CEP350: variants seen among roughly 807,000 people sequenced by gnomAD.
CEP350 encodes the protein centrosome-associated protein 350.
A neutral mutation model predicts 331.8 loss-of-function variants in CEP350; 126 were observed. The ratio of observed to expected loss-of-function variants is 0.38; its 90% CI spans 0.33 to 0.44. CEP350 has a LOEUF of 0.44. Ranked by LOEUF, CEP350 falls within the 20% of genes least tolerant of loss-of-function variation. The probability of loss-of-function intolerance (pLI) is 1.00; values close to 1 mark genes in which losing one functional copy is unlikely to be tolerated. For synonymous variants in CEP350, 1,200 were observed against 1,259.5 expected (o/e 0.95, Z 1.00); for missense variants, 3,406 against 3,634.6 (o/e 0.94, Z 1.62).
intron 27 of CEP350, chr1:180,073,995 C>CTT (rs970683557): frequency 1.9e-6 from 2 of 1,078,132 alleles, no homozygotes; most frequent in African/African-American, 1.7e-5. Context: ...CTCTCTCTCT[C>CTT]TTTTTTTTTA....
intron 5 of CEP350, among the ~76,000 whole-genome samples, chr1:179,994,137 A>G (rs772859409): frequency 4.6e-5 from 7 of 152,216 alleles, no homozygotes; most frequent in Non-Finnish European, 8.8e-5. Flanking sequence ...AAAGAATTGT[A>G]TAGTGAACAT....
At chr1:180,064,543 T>C (rs1558136128) in intron 26 of CEP350, among the ~76,000 whole-genome samples, 1 of 152,182 alleles carries the variant, frequency 6.6e-6, no homozygotes. Context: ...TACTAAGCAA[T>C]TAAAGTTTTA....
chr1:179,971,046 T>TG (rs1553250166), intron 1 of CEP350, among the ~76,000 whole-genome samples: 2 of 151,466 alleles, frequency 1.3e-5, no homozygotes, highest in African/African-American at 4.8e-5. Flanking sequence ...TTTTTTTTTT[T>TG]GAGACAGAGT....
At chr1:180,004,118 A>G (rs1166290004) in intron 7 of CEP350, among the ~76,000 whole-genome samples, 3 of 152,256 alleles carry the variant, frequency 2.0e-5, no homozygotes, top group Non-Finnish European at 2.9e-5. Context: ...CAAGGCTTCC[A>G]GTTCTGCCTC....
Position 180,113,753 on chromosome 1 carries a change from A to G in CEP350, c.*2592A>G, listed in dbSNP as rs1661556451. The G allele has an allele frequency of 1.3e-5, 2 of 152,352 alleles. No homozygotes were observed. The highest frequency in any genetic ancestry group is 2.1e-4 in the South Asian group (1 of 4,828). The allele number at this position is 152,352 out of a possible 1,614,324, so 9.4% of individuals were successfully genotyped here. On this transcript the variant is annotated 3_prime_UTR_variant, in exon 38 of 38. Transcript: ENST00000367607. Reference sequence around the variant, plus strand: ...AGAACCTAAATATTCCCTCTTTCTAATCTTTGTTCCTTCTCCCTACACCCT... The same window carrying G: ...AGAACCTAAATATTCCCTCTTTCTAGTCTTTGTTCCTTCTCCCTACACCCT...
intron 11 of CEP350, among the ~76,000 whole-genome samples, chr1:180,018,403 A>G (rs1655104386): frequency 6.6e-6 from 1 of 152,152 alleles, no homozygotes; most frequent in Admixed American, 6.5e-5. Context: ...TTGGCATTCT[A>G]AATACTTGAA....
At chr1:180,017,187 A>T (rs1655032290) in intron 11 of CEP350, among the ~76,000 whole-genome samples, 1 of 152,194 alleles carries the variant, frequency 6.6e-6, no homozygotes. Flanking sequence ...AACATTAATG[A>T]TAGAGATAGG....
chr1:180,104,021 ATTTT>A (rs1661001856), intron 37 of CEP350, among the ~76,000 whole-genome samples: 1 of 143,962 alleles, frequency 6.9e-6, no homozygotes, highest in South Asian at 2.1e-4. Context: ...ACAAATATAT[ATTTT>A]AAAATATATA....
rs1655225059 is a variant in CEP350, at chr1:180,020,072, G to T, written c.2298G>T (p.Glu766Asp). The change falls in exon 12 of 38, where the codon GAG becomes GAT. Residue 766 changes from glutamate to aspartate, a missense_variant. Transcript: ENST00000367607. ...GSLLSHLLSL[E>D]HVGILHKDFE... is the part of the protein sequence containing the mutation. ...TACTCTCCCATCTCTTGAGTTTAGAGCATGTAGGAATTTTGCATAAGGATT... is the reference window on the plus strand; with the variant it reads ...TACTCTCCCATCTCTTGAGTTTAGATCATGTAGGAATTTTGCATAAGGATT... 1 of 1,613,992 alleles carries T rather than the reference G, an allele frequency of 6.2e-7. No homozygotes were observed. The highest frequency in any genetic ancestry group is 1.3e-5 in the African/African-American group (1 of 75,038).
intron 1 of CEP350, among the ~76,000 whole-genome samples, chr1:179,982,463 TAAAG>T (rs1481657035): frequency 6.6e-6 from 1 of 152,192 alleles, no homozygotes; most frequent in Non-Finnish European, 1.5e-5. Flanking sequence ...TAATTTATAT[TAAAG>T]ATGATTGCCC....
rs1660371120 is a variant in CEP350 at position 180,094,508 on chromosome 1, A to G, written c.8403A>G (p.Leu2801=). The G allele has an allele frequency of 6.2e-7, 1 of 1,613,958 alleles. No individual in the cohort carries two copies. The highest frequency in any genetic ancestry group is 1.3e-5 in the African/African-American group (1 of 75,066). The change falls in exon 34 of 38, where the codon CTA becomes CTG. Residue 2801 remains leucine (L), a synonymous_variant. Transcript: ENST00000367607. ...DDQKKVTPQD[L]SQNVEEQSPS... ...AAAAGAAAGTAACACCCCAAGACCT[A>G]TCCCAAAATGTTGAGGAACAGTCGC...
intron 31 of CEP350, chr1:180,087,088 G>A (rs981127075): frequency 1.3e-5 from 2 of 152,128 alleles, no homozygotes; most frequent in African/African-American, 4.8e-5. Context: ...GTAATAACCA[G>A]GAAACTTTTT....
intron 36 of CEP350, among the ~76,000 whole-genome samples, chr1:180,097,480 C>T (rs376101956): frequency 6.6e-6 from 1 of 152,114 alleles, no homozygotes; most frequent in African/African-American, 2.4e-5. Context: ...TTTCCGGGCA[C>T]GTTGGTACTT....
chr1:180,041,812 A>G lies in CEP350; in HGVS notation c.4362+10A>G. On this transcript the variant is annotated intron_variant, in intron 19 of 37. Transcript: ENST00000367607. ...ACGTCAAATCTGTGAGGTAGGTGCC[A>G]CTGAGAACACTTCTCTTTTTACTTC... 6.2e-7 allele frequency: 1 copy of G among 1,607,290 alleles called. No homozygotes were observed. Among genetic ancestry groups the G allele is most frequent in the Non-Finnish European group, 8.5e-7 (1 of 1,176,802 alleles).
At position 180,087,530 on chromosome 1, in the gene CEP350, A is replaced by G. The variant is rs575837053; in HGVS notation, c.6286-48A>G. On this transcript the variant is annotated intron_variant, in intron 31 of 37. Coordinates refer to ENST00000367607, the MANE Select transcript of CEP350 (RefSeq NM_014810.5). ...ATATACTATTTTATAATTTAAAATA[A>G]GTTTTAAAAATTCTGCCTAGTGACT... The G allele has an allele frequency of 2.1e-6, 3 of 1,452,352 alleles. No homozygotes were observed. The Admixed American group carries it at 7.6e-5, about 37-fold the overall frequency. 90.0% of individuals were successfully genotyped at this position (1,452,352 alleles called of 1,614,324 possible).
intron 21 of CEP350, among the ~76,000 whole-genome samples, chr1:180,046,518 TATTATA>T (rs1657130234): frequency 6.6e-6 from 1 of 152,246 alleles, no homozygotes; most frequent in Admixed American, 6.5e-5. Context: ...ACTTTTTAAC[TATTATA>T]AGTAATGCTG....
chr1:180,053,011 G>T lies in CEP350; in HGVS notation c.4834G>T (p.Glu1612Ter). 1 of 1,469,460 alleles carries T rather than the reference G, an allele frequency of 6.8e-7. No individual in the cohort carries two copies. Among genetic ancestry groups the T allele is most frequent in the Admixed American group, 1.8e-5 (1 of 55,368 alleles). The allele number at this position is 1,469,460 out of a possible 1,614,324, so 91.0% of individuals were successfully genotyped here. ...AACAGAATATTCTCTGAAATTTGAT[G>T]AATCCATGACAGAAGATGAAATAGA... is the stretch of plus-strand genomic sequence containing the variant. Reference protein sequence around the residue: ...IATEYSLKFDESMTEDEIEEQ... With the variant: ...IATEYSLKFD The change falls in exon 23 of 38, where the codon GAA becomes TAA. Residue 1612 changes from glutamate to a stop codon, truncating the protein, a stop_gained. Transcript: ENST00000367607. LOFTEE classifies it high-confidence loss of function.
intron 1 of CEP350, among the ~76,000 whole-genome samples, chr1:179,979,200 T>A (rs1266874755): frequency 6.6e-6 from 1 of 152,088 alleles, no homozygotes; most frequent in Non-Finnish European, 1.5e-5. Flanking sequence ...TATGTAAGAG[T>A]TCCTTTTTCT....
chr1:180,057,044 T>C (rs1221783223), intron 25 of CEP350, among the ~76,000 whole-genome samples: 1 of 152,164 alleles, frequency 6.6e-6, no homozygotes, highest in African/African-American at 2.4e-5. Context: ...TTTATTCTTT[T>C]TAAAATAGAT....
Sources: allele counts gnomAD v4.1 joint callset (sites outside exome capture counted in the v4.1 genomes callset), GRCh38; gene constraint gnomAD v4.1.1; transcripts MANE v1.5; gene names NCBI Gene and HGNC (gene_info 2026-07-23, HGNC 2026-07-21).